Variants in GPR141 observed in about 807,000 individuals in gnomAD.
GPR141 encodes probable G protein-coupled receptor 141.
Under a neutral mutation model 6.8 loss-of-function variants are expected in GPR141, and 6 were observed. The ratio of observed to expected loss-of-function variants is 0.88; its 90% CI spans 0.48 to 1.74. GPR141 has a LOEUF of 1.74. GPR141 is among the 40% of genes most tolerant of loss of function. The pLI, the probability that GPR141 is intolerant of heterozygous loss-of-function variation, is 0.01. For synonymous variants in GPR141, 140 were observed against 142.3 expected, an observed-to-expected ratio of 0.98 and a Z score of 0.11; for missense variants, 372 against 372.9, an observed-to-expected ratio of 1.00 and a Z score of 0.02.
At chr7:37,702,415 TTTC>T (rs1810316393) in intron 2 of GPR141, among the ~76,000 whole-genome samples, 2 of 152,112 alleles carry the variant, frequency 1.3e-5, no homozygotes, top group Non-Finnish European at 2.9e-5. Context: ...AGTAAACTTT[TTTC>T]TTCTTCACTT....
In GPR141 at chr7:37,742,418, C is replaced by T. The variant is rs903405203; in HGVS notation, c.*1107C>T. On this transcript the variant is annotated 3_prime_UTR_variant, in exon 3 of 3. Transcript: ENST00000334425. ...CTAGCCCCCCACCCCTGGACAGGCC[C>T]CATTGTGTGATGTTCCCCTCCCTGT... Among the ~76,000 whole-genome samples the T allele has an allele frequency of 6.6e-6, 1 of 151,814 alleles. No individual in the cohort carries two copies. Among genetic ancestry groups the T allele is most frequent in the Non-Finnish European group, 1.5e-5 (1 of 67,962 alleles).
At chr7:37,695,879 CT>C (rs1312249703) in intron 2 of GPR141, among the ~76,000 whole-genome samples, 2 of 152,154 alleles carry the variant, frequency 1.3e-5, no homozygotes, top group Non-Finnish European at 2.9e-5. Context: ...AGGTTATCCC[CT>C]GATTATCTCT....
chr7:37,700,961 T>C (rs1416224491), intron 2 of GPR141, among the ~76,000 whole-genome samples: 1 of 152,224 alleles, frequency 6.6e-6, no homozygotes, highest in Non-Finnish European at 1.5e-5. Flanking sequence ...TGTGTCTGAT[T>C]AACCTGAGCG....
intron 2 of GPR141, among the ~76,000 whole-genome samples, chr7:37,687,973 C>T (rs879609950): frequency 4.6e-5 from 7 of 152,088 alleles, no homozygotes; most frequent in African/African-American, 4.8e-5. Flanking sequence ...TCTGTTGCAA[C>T]GATACAACTT....
At chr7:37,726,277 T>A (rs1811620831) in intron 2 of GPR141, among the ~76,000 whole-genome samples, 1 of 152,188 alleles carries the variant, frequency 6.6e-6, no homozygotes, top group South Asian at 2.1e-4. Context: ...CATTGGAGGA[T>A]TGAGATAAGA....
intron 2 of GPR141, among the ~76,000 whole-genome samples, chr7:37,733,045 G>A (rs1240418308): frequency 6.6e-6 from 1 of 152,180 alleles, no homozygotes; most frequent in East Asian, 1.9e-4. Flanking sequence ...GGTGGGGAGT[G>A]AGCCAAAGTG....
chr7:37,741,314 A>T lies in GPR141; in HGVS notation c.*3A>T. ...GGAATTGTGTTTTGTGCCGTTAGCC[A>T]CAAACTACAGTATTCATATTTGCTT... On this transcript the variant is annotated 3_prime_UTR_variant, in exon 3 of 3. Transcript: ENST00000334425. 6.4e-7 allele frequency: 1 copy of T among 1,570,460 alleles called. No homozygotes were observed. The highest frequency in any genetic ancestry group is 8.7e-7 in the Non-Finnish European group (1 of 1,155,362).
chr7:37,697,482 A>C lies in GPR141; in HGVS notation c.-15+11899A>C, dbSNP rs537571060. Among the ~76,000 whole-genome samples, 10 of 152,360 alleles carry C rather than the reference A, an allele frequency of 6.6e-5. 1 individual carries two copies. The South Asian group carries it at 1.9e-3, about 28-fold the overall frequency. The stretch of plus-strand genomic sequence containing the variant: ...GAAAAATCAAGGCTCAAGGTCACCT[A>C]GCCAGTCAGGAGAGTGAATTTTGAC... On this transcript the variant is annotated intron_variant, in intron 2 of 2. Coordinates refer to ENST00000334425, the MANE Select transcript of GPR141 (RefSeq NM_001381946.1).
At chr7:37,731,368 G>T (rs77155718) in intron 2 of GPR141, among the ~76,000 whole-genome samples, 20,044 of 152,220 alleles carry the variant, frequency 0.13, 1,448 homozygotes, top group South Asian at 0.18. Flanking sequence ...AGTCATGCAC[G>T]TGGAGAACGA....
intron 2 of GPR141, among the ~76,000 whole-genome samples, chr7:37,721,535 C>G (rs913738955): frequency 5.9e-5 from 9 of 152,322 alleles, no homozygotes; most frequent in African/African-American, 2.2e-4. Flanking sequence ...GAACGGCTTT[C>G]CCTTTGGTGG....
chr7:37,727,471 TTCTC>T (rs1473347610), intron 2 of GPR141, among the ~76,000 whole-genome samples: 4 of 152,212 alleles, frequency 2.6e-5, no homozygotes, highest in African/African-American at 9.6e-5. Flanking sequence ...TTTCACACCA[TTCTC>T]TTCTCTCTGA....
intron 2 of GPR141, among the ~76,000 whole-genome samples, chr7:37,726,257 G>T (rs1811619204): frequency 6.6e-6 from 1 of 152,204 alleles, no homozygotes; most frequent in African/African-American, 2.4e-5. Context: ...TTCTGAGAAA[G>T]GTGAGAAGCC....
chr7:37,698,584 T>C (rs1450439498), intron 2 of GPR141, among the ~76,000 whole-genome samples: 1 of 152,126 alleles, frequency 6.6e-6, no homozygotes, highest in East Asian at 1.9e-4. Context: ...TTGGATGCTG[T>C]CAGAAAGCAG....
chr7:37,716,545 A>G (rs182467660), intron 2 of GPR141, among the ~76,000 whole-genome samples: 51 of 152,336 alleles, frequency 3.3e-4, no homozygotes, highest in African/African-American at 1.1e-3. Context: ...GGGTTTTAGT[A>G]GAAAATATAG....
intron 1 of GPR141, among the ~76,000 whole-genome samples, chr7:37,684,840 A>T (rs1809425842): frequency 6.6e-6 from 1 of 152,226 alleles, no homozygotes; most frequent in South Asian, 2.1e-4. Context: ...AAATCAGTTA[A>T]TTAGGATTTT....
intron 2 of GPR141, among the ~76,000 whole-genome samples, chr7:37,716,267 GA>G (rs1369859085): frequency 1.3e-5 from 2 of 152,170 alleles, no homozygotes; most frequent in Non-Finnish European, 2.9e-5. Flanking sequence ...TATGGAGAGG[GA>G]GGAGCTAAAT....
At chr7:37,721,459 G>A (rs879522675) in intron 2 of GPR141, among the ~76,000 whole-genome samples, 1 of 152,158 alleles carries the variant, frequency 6.6e-6, no homozygotes, top group Non-Finnish European at 1.5e-5. Flanking sequence ...GACAGAGTAA[G>A]GGTTATCTTG....
chr7:37,687,967 T>G (rs1809584469), intron 2 of GPR141, among the ~76,000 whole-genome samples: 1 of 152,134 alleles, frequency 6.6e-6, no homozygotes, highest in South Asian at 2.1e-4. Context: ...ACAATCTCTG[T>G]TGCAACGATA....
chr7:37,730,165 C>T (rs964828944), intron 2 of GPR141: 5 of 152,200 alleles, frequency 3.3e-5, no homozygotes, highest in African/African-American at 1.2e-4. Flanking sequence ...TTCCCCCCTT[C>T]TTTCTCTTCT....
Sources: gnomAD v4.1 joint callset for allele counts (sites outside exome capture counted in the v4.1 genomes callset) on GRCh38, gnomAD v4.1.1 for gene constraint, MANE v1.5 for transcripts, NCBI Gene and HGNC (gene_info 2026-07-23, HGNC 2026-07-21) for gene names.